SLC2A12: variants seen among roughly 807,000 people sequenced by gnomAD.
The protein encoded by SLC2A12 is solute carrier family 2 member 12, also known as solute carrier family 2, facilitated glucose transporter member 12.
A neutral mutation model predicts 41.8 loss-of-function variants in SLC2A12; 23 were observed. The observed-to-expected ratio is 0.55, with a 90% confidence interval of 0.40 to 0.78. The LOEUF is 0.78. SLC2A12 is among the 30% of genes least tolerant of loss of function. The pLI, the probability that SLC2A12 is intolerant of heterozygous loss-of-function variation, is 0.00. For synonymous variants in SLC2A12, 295 were observed against 285.9 expected (o/e 1.03, Z -0.32); for missense variants, 654 against 745.6 (o/e 0.88, Z 1.43).
intron 4 of SLC2A12, 124 bp from the exon 5 acceptor site, chr6:133,991,432 AT>A: frequency 9.4e-7 from 1 of 1,061,530 alleles, no homozygotes; most frequent in Non-Finnish European, 1.3e-6. Flanking sequence ...ATAAATACAC[AT>A]TTTTATTAGG....
intron 3 of SLC2A12, 44 bp downstream of exon 3, chr6:134,006,767 TC>T: frequency 6.2e-7 from 1 of 1,610,318 alleles, no homozygotes; most frequent in Non-Finnish European, 8.5e-7. Context: ...CTAACATTTG[TC>T]CTACGAGGAC....
chr6:134,048,596 A>G (rs114017341), intron 1 of SLC2A12, among the ~76,000 whole-genome samples: 1,555 of 152,252 alleles, frequency 0.01, 38 homozygotes, highest in African/African-American at 0.035. Flanking sequence ...AACAACAAAA[A>G]AACCTGTTAT....
At chr6:134,006,772 C>T (rs561467560) in intron 3 of SLC2A12, 40 bp downstream of exon 3, 131 of 1,610,666 alleles carry the variant, frequency 8.1e-5, no homozygotes, top group Non-Finnish European at 1.0e-4. Flanking sequence ...ATTTGTCCTA[C>T]GAGGACCAAA....
intron 2 of SLC2A12, among the ~76,000 whole-genome samples, chr6:134,017,158 A>C (rs772692179): frequency 6.6e-6 from 1 of 152,180 alleles, no homozygotes; most frequent in Non-Finnish European, 1.5e-5. Flanking sequence ...CATTTTTTTA[A>C]ATGGCCTTCA....
intron 4 of SLC2A12, among the ~76,000 whole-genome samples, chr6:133,993,128 C>T (rs966997714): frequency 3.9e-5 from 6 of 152,152 alleles, no homozygotes; most frequent in African/African-American, 1.2e-4. Context: ...CTTCTTTGCT[C>T]GGTCTCTAAG....
At chr6:133,997,475 T>C (rs1026020264) in intron 4 of SLC2A12, among the ~76,000 whole-genome samples, 4 of 152,126 alleles carry the variant, frequency 2.6e-5, no homozygotes, top group Non-Finnish European at 4.4e-5. Flanking sequence ...TACACAGCCG[T>C]CAAAAAGAAC....
chr6:133,996,051 T>A (rs2114417852), intron 4 of SLC2A12, among the ~76,000 whole-genome samples: 1 of 152,332 alleles, frequency 6.6e-6, no homozygotes, highest in South Asian at 2.1e-4. Flanking sequence ...TCACTTACTA[T>A]CTAATCAGTA....
chr6:134,047,460 C>A (rs899534665), intron 1 of SLC2A12, among the ~76,000 whole-genome samples: 1 of 152,176 alleles, frequency 6.6e-6, no homozygotes, highest in Non-Finnish European at 1.5e-5. Flanking sequence ...ATACCTACAG[C>A]AATTAAAAAT....
Position 134,028,453 on chromosome 6 carries a change from C to G in SLC2A12, c.1372G>C (p.Ala458Pro). Residue 458 changes from alanine to proline, a missense_variant, in exon 2 of 5, where the codon GCT becomes CCT. This residue lies in a region of SLC2A12 where 411 missense variants were observed against 412.1 expected (regional missense o/e 1.00). Coordinates refer to ENST00000275230, the MANE Select transcript of SLC2A12 (RefSeq NM_145176.3). ...GCTAAGGACAGCCATTTCAAAAAAG[C>G]TGGGACGTCCCCAGGGTCTGTGACT... ...QIVTDPGDVP[A>P]FLKWLSLASL... 1 of 1,614,192 alleles carries G rather than the reference C, an allele frequency of 6.2e-7. No individual in the cohort carries two copies.
chr6:134,028,265 C>T lies in SLC2A12; in HGVS notation c.1444+116G>A, dbSNP rs537334071. On this transcript the variant is annotated intron_variant, in intron 2 of 4. Transcript: ENST00000275230. ...AGCATACTTTCTGCATTAGAAGGAA[C>T]ATCAGATGACCAATGTTATCCTTGT... The T allele has an allele frequency of 8.8e-5, 118 of 1,334,896 alleles. No homozygotes were observed. In the African/African-American group the frequency reaches 1.5e-3, roughly 17 times the overall value. 82.7% of individuals were successfully genotyped at this position (1,334,896 alleles called of 1,614,324 possible).
chr6:133,992,009 A>C (rs1776629895), intron 4 of SLC2A12, among the ~76,000 whole-genome samples: 1 of 152,226 alleles, frequency 6.6e-6, no homozygotes, highest in Non-Finnish European at 1.5e-5. Context: ...TGTATTATAC[A>C]GGTGGCATCT....
chr6:134,020,745 C>A (rs1777029575), intron 2 of SLC2A12, among the ~76,000 whole-genome samples: 1 of 152,178 alleles, frequency 6.6e-6, no homozygotes, highest in African/African-American at 2.4e-5. Flanking sequence ...CCAAGCCTCA[C>A]GTGTGATTAC....
At position 133,991,164 on chromosome 6, in the gene SLC2A12, T is replaced by C. The variant is rs1183959019; in HGVS notation, c.1845A>G (p.Pro615=). 1.2e-6 allele frequency: 2 copies of C among 1,612,672 alleles called. No homozygotes were observed. Among genetic ancestry groups the C allele is most frequent in the African/African-American group, 2.7e-5 (2 of 74,896 alleles). ...GAAGGTGTTGAGGCCATTAGGTCTC[T>C]GGAGAAAGCTGCCTGGATTGGCCCC... ...CGRGQSRQLS[P]ET is the part of the protein sequence containing the mutation. Residue 615 remains proline (P), a synonymous_variant, in exon 5 of 5, where the codon CCA becomes CCG. Transcript: ENST00000275230.
At chr6:133,994,677 G>C (rs1041866895) in intron 4 of SLC2A12, among the ~76,000 whole-genome samples, 8 of 152,222 alleles carry the variant, frequency 5.3e-5, no homozygotes, top group African/African-American at 1.7e-4. Context: ...GCATTGAGCC[G>C]AGATGGCACT....
intron 1 of SLC2A12, among the ~76,000 whole-genome samples, chr6:134,042,334 A>G (rs1777392955): frequency 1.3e-5 from 2 of 152,160 alleles, no homozygotes. Context: ...AGAGCAATTT[A>G]CTAAAATTAA....
rs71003662 is a variant in SLC2A12, at chr6:134,035,151, CA to C, written c.104-5431del. Among the ~76,000 whole-genome samples, 94 of 107,878 alleles carry C rather than the reference CA, an allele frequency of 8.7e-4. No homozygotes were observed. The East Asian group carries it at 0.013, about 14-fold the overall frequency. The allele number at this position is 107,878 out of a possible 152,430, so 70.8% of individuals were successfully genotyped here. A position where few individuals can be genotyped will look rare whatever the true frequency, so the allele number is the denominator to read the frequency against. Reference sequence around the variant, plus strand: ...ATAGGAAAGGCCGCTGGCTGCCTGACAAAAAAAAAAAAAAAAAAAAAAACTG... The same window carrying C: ...ATAGGAAAGGCCGCTGGCTGCCTGACAAAAAAAAAAAAAAAAAAAAAACTG... On this transcript the variant is annotated intron_variant, in intron 1 of 4. Coordinates refer to ENST00000275230, the MANE Select transcript of SLC2A12 (RefSeq NM_145176.3).
intron 1 of SLC2A12, among the ~76,000 whole-genome samples, chr6:134,037,332 C>T (rs1777316597): frequency 6.6e-6 from 1 of 150,654 alleles, no homozygotes; most frequent in Non-Finnish European, 1.5e-5. Flanking sequence ...ATAGGCTTAC[C>T]CTCTTGGGTT....
intron 1 of SLC2A12, among the ~76,000 whole-genome samples, chr6:134,049,109 C>G (rs144451790): frequency 6.6e-6 from 1 of 152,154 alleles, no homozygotes; most frequent in Non-Finnish European, 1.5e-5. Context: ...GCTTTAAAAG[C>G]GTTTTGAGAA....
chr6:134,028,279 T>C (rs1422624252), intron 2 of SLC2A12, 102 bp downstream of exon 2: 3 of 1,433,358 alleles, frequency 2.1e-6, no homozygotes, highest in Admixed American at 2.3e-5. Flanking sequence ...AGATGACCAA[T>C]GTTATCCTTG....
Sources: allele counts gnomAD v4.1 joint callset (sites outside exome capture counted in the v4.1 genomes callset), GRCh38; gene constraint gnomAD v4.1.1; regional missense constraint gnomAD v4.1.1; transcripts MANE v1.5; gene names NCBI Gene and HGNC (gene_info 2026-07-23, HGNC 2026-07-21).